GYG2: variants seen among roughly 807,000 people sequenced by gnomAD.
GYG2 encodes glycogenin 2, also known as glycogenin-2.
Under a neutral mutation model 29.4 loss-of-function variants are expected in GYG2, and 29 were observed. That is an observed-to-expected ratio of 0.99 (90% CI 0.74 to 1.35). The LOEUF (loss-of-function observed/expected upper bound fraction) is 1.35. Ranked by LOEUF, GYG2 falls within the 40% of genes most tolerant of loss-of-function variation. GYG2 has a pLI of 0.00. For synonymous variants in GYG2, 167 were observed against 172.3 expected (o/e 0.97, Z 0.24); for missense variants, 370 against 385.7 (o/e 0.96, Z 0.34).
chrX:2,876,904 A>G (rs2088615126), intron 9 of GYG2, among the ~76,000 whole-genome samples: 4 of 110,546 alleles, frequency 3.6e-5, no homozygotes, highest in African/African-American at 6.6e-5. Context: ...AGCCGAGATC[A>G]CGTCACTGCA....
chrX:2,836,673 CA>C (rs571518086), intron 2 of GYG2, among the ~76,000 whole-genome samples: 1,872 of 47,828 alleles, frequency 0.039, 53 homozygotes, highest in African/African-American at 0.13. Context: ...AAGACCCTGT[CA>C]AAAAAAAAAA....
intron 2 of GYG2, among the ~76,000 whole-genome samples, chrX:2,842,347 A>G (rs1411139898): frequency 9.9e-5 from 10 of 101,188 alleles, no homozygotes; most frequent in African/African-American, 3.2e-4. Flanking sequence ...GGCATGCACC[A>G]CCTCGCCTGG....
intron 8 of GYG2, among the ~76,000 whole-genome samples, chrX:2,868,456 CAAAAAAAAAAA>C (rs148463105): frequency 1.5e-4 from 5 of 32,490 alleles, no homozygotes. Flanking sequence ...GACTCCGTCT[CAAAAAAAAAAA>C]AAAAAAAAAA....
chrX:2,861,746 G>A (rs746579761), intron 8 of GYG2, 24 bp downstream of exon 8: 90 of 1,091,564 alleles, frequency 8.2e-5, no homozygotes, highest in Non-Finnish European at 1.1e-4. Flanking sequence ...TTCCTCACAG[G>A]TGTGATAGTC....
intron 3 of GYG2, among the ~76,000 whole-genome samples, chrX:2,852,505 A>G (rs1160228190): frequency 8.9e-6 from 1 of 112,206 alleles, no homozygotes; most frequent in Non-Finnish European, 1.9e-5. Flanking sequence ...GGAACAGAGC[A>G]AATTTCACTT....
At chrX:2,876,898 G>A (rs1161430100) in intron 9 of GYG2, among the ~76,000 whole-genome samples, 3 of 110,592 alleles carry the variant, frequency 2.7e-5, no homozygotes, top group African/African-American at 6.6e-5. Context: ...GCAGTGAGCC[G>A]AGATCACGTC....
intron 3 of GYG2, among the ~76,000 whole-genome samples, chrX:2,848,511 C>T (rs2087797095): frequency 9.6e-6 from 1 of 104,319 alleles, no homozygotes; most frequent in Non-Finnish European, 2.0e-5. Context: ...TGCACTCCAG[C>T]CTGGTGACAG....
intron 2 of GYG2, among the ~76,000 whole-genome samples, chrX:2,832,190 TTTACAGTG>T (rs1332648404): frequency 8.9e-6 from 1 of 112,590 alleles, no homozygotes; most frequent in Non-Finnish European, 1.9e-5. Flanking sequence ...TTAGATGGGT[TTTACAGTG>T]TCCTGGATGG....
At chrX:2,869,865 T>C (rs769259685) in intron 8 of GYG2, among the ~76,000 whole-genome samples, 2 of 112,528 alleles carry the variant, frequency 1.8e-5, no homozygotes, top group Non-Finnish European at 3.8e-5. Flanking sequence ...TACTCTTGAA[T>C]TCCTGGGCTC....
chrX:2,861,085 A>G (rs936700505), intron 7 of GYG2, among the ~76,000 whole-genome samples: 1 of 110,261 alleles, frequency 9.1e-6, no homozygotes, highest in Non-Finnish European at 1.9e-5. Flanking sequence ...CTATCAGCAC[A>G]TGCATTGCCT....
rs768713948 is a variant in GYG2, at chrX:2,854,053, G to T, written c.223G>T (p.Ala75Ser). ...LIDSADYIHL[A>S]FLKRPELGLT... ...CGATAGTGCCGACTACATCCACCTG[G>T]CCTTTCTGAAGAGACCTGAGCTCGG... The change falls in exon 4 of 11, where the codon GCC becomes TCC. Residue 75 changes from alanine to serine, a missense_variant. Ala to Ser is a moderately conservative substitution (Grantham distance 99, BLOSUM62 1). Transcript: ENST00000398806. The T allele has an allele frequency of 2.5e-6, 3 of 1,197,338 alleles. No individual in the cohort carries two copies. Among genetic ancestry groups the T allele is most frequent in the South Asian group, 3.5e-5 (2 of 56,568 alleles).
chrX:2,844,157 A>G (rs1182328789), intron 3 of GYG2, among the ~76,000 whole-genome samples: 1 of 112,395 alleles, frequency 8.9e-6, no homozygotes, highest in East Asian at 2.8e-4. Flanking sequence ...TTAATATGGT[A>G]GATGTAGCAG....
chrX:2,865,789 G>GA (rs1410319748), intron 8 of GYG2, among the ~76,000 whole-genome samples: 4 of 111,745 alleles, frequency 3.6e-5, no homozygotes, highest in Non-Finnish European at 5.6e-5. Context: ...TGTTGATGGG[G>GA]ATTAAAAATA....
chrX:2,875,446 G>A (rs919646071), intron 8 of GYG2, among the ~76,000 whole-genome samples: 1 of 110,392 alleles, frequency 9.1e-6, no homozygotes, highest in Non-Finnish European at 1.9e-5. Flanking sequence ...TCACCTGGCT[G>A]GTGGTAGAAG....
rs747771943 is a variant in GYG2, at chrX:2,843,349, G to A, written c.144G>A (p.Leu48=). ...VVLITPQVSS[L]LRVILSKVFD... Reference sequence around the variant, plus strand: ...TGATCACTCCTCAGGTGTCCAGCCTGCTCAGGTAAGGCTCAGAGATGCGGC... The same window carrying A: ...TGATCACTCCTCAGGTGTCCAGCCTACTCAGGTAAGGCTCAGAGATGCGGC... The change falls in exon 3 of 11, where the codon CTG becomes CTA. Residue 48 remains leucine, a synonymous_variant. Coordinates refer to ENST00000398806, the MANE Select transcript of GYG2 (RefSeq NM_001079855.2). The A allele has an allele frequency of 2.5e-6, 3 of 1,194,540 alleles. No homozygotes were observed. The highest frequency in any genetic ancestry group is 3.4e-6 in the Non-Finnish European group (3 of 884,775).
At chrX:2,876,720 G>T (rs1603460440) in intron 9 of GYG2, among the ~76,000 whole-genome samples, 2 of 110,107 alleles carry the variant, frequency 1.8e-5, no homozygotes, top group Admixed American at 9.7e-5. Flanking sequence ...AGGCCGAGGC[G>T]GGCGGATCAT....
At position 2,882,420 on chromosome X, in the gene GYG2, G is replaced by T. The variant is rs1003805291; in HGVS notation, c.*1207G>T. On this transcript the variant is annotated 3_prime_UTR_variant, in exon 11 of 11. Transcript: ENST00000398806. The stretch of plus-strand genomic sequence containing the variant: ...GGATGTGTTTACGTGGAGAGGCGTG[G>T]CCACTTTTTAGGTCACCTGAAGCAG... 1 of 111,489 alleles carries T rather than the reference G, an allele frequency of 9.0e-6. No individual in the cohort carries two copies. Among genetic ancestry groups the T allele is most frequent in the Non-Finnish European group, 1.9e-5 (1 of 53,161 alleles). 9.2% of individuals were successfully genotyped at this position (111,489 alleles called of 1,213,427 possible).
chrX:2,855,963 CTTTA>C (rs754659402), intron 5 of GYG2, among the ~76,000 whole-genome samples: 1 of 111,769 alleles, frequency 8.9e-6, no homozygotes, highest in Non-Finnish European at 1.9e-5. Context: ...TCCAATAAAA[CTTTA>C]TTTATAAAAA....
rs768372639 is a variant in GYG2, at chrX:2,838,197, T to C, written c.8-5016T>C. On this transcript the variant is annotated intron_variant, in intron 2 of 10. Coordinates refer to ENST00000398806, the MANE Select transcript of GYG2 (RefSeq NM_001079855.2). ...TTGGTCTGGGTATACAATTTTAGGT[T>C]GAGGACCATTGCACTCAGAGTTTAG... Among the ~76,000 whole-genome samples the C allele has an allele frequency of 2.0e-3, 225 of 111,531 alleles. 1 individual carries two copies. Among genetic ancestry groups the C allele is most frequent in the African/African-American group, 6.6e-3 (204 of 30,692 alleles).
Sources: gnomAD v4.1 joint callset for allele counts (sites outside exome capture counted in the v4.1 genomes callset) on GRCh38, gnomAD v4.1.1 for gene constraint, MANE v1.5 for transcripts, NCBI Gene and HGNC (gene_info 2026-07-23, HGNC 2026-07-21) for gene names.